RBFOX1: variants seen among roughly 807,000 people sequenced by gnomAD.
RBFOX1 encodes the protein RNA binding fox-1 homolog 1, also known as RNA binding protein fox-1 homolog 1.
RBFOX1 carries 8 observed loss-of-function variants against 57.7 expected under a neutral mutation model. That is an observed-to-expected ratio of 0.14 (90% CI 0.08 to 0.25). RBFOX1 has a LOEUF of 0.25. Among genes scored for constraint, RBFOX1 ranks in the 10% least tolerant of loss-of-function variants. The probability of loss-of-function intolerance (pLI) is 1.00; values close to 1 mark genes in which losing one functional copy is unlikely to be tolerated. For synonymous variants in RBFOX1, 326 were observed against 222.4 expected, an observed-to-expected ratio of 1.47 and a Z score of -4.15; for missense variants, 611 against 548.5, an observed-to-expected ratio of 1.11 and a Z score of -1.14.
At chr16:5,247,407 G>C (rs2062329835) in intron 1 of RBFOX1, among the ~76,000 whole-genome samples, 1 of 152,220 alleles carries the variant, frequency 6.6e-6, no homozygotes, top group Non-Finnish European at 1.5e-5. Context: ...GATGGCAAAG[G>C]ATGGTGCTGC....
At chr16:6,121,255 T>C (rs1452034425) in intron 1 of RBFOX1, among the ~76,000 whole-genome samples, 1 of 152,162 alleles carries the variant, frequency 6.6e-6, no homozygotes, top group Non-Finnish European at 1.5e-5. Context: ...CTCTAGACTC[T>C]GCTTTGAGAC....
At chr16:7,279,235 T>C (rs2141089077) in intron 4 of RBFOX1, among the ~76,000 whole-genome samples, 1 of 152,144 alleles carries the variant, frequency 6.6e-6, no homozygotes, top group East Asian at 1.9e-4. Flanking sequence ...TAGAAATAAA[T>C]GCTGCATTTT....
chr16:6,265,017 C>A (rs1387913689), intron 1 of RBFOX1, among the ~76,000 whole-genome samples: 1 of 152,148 alleles, frequency 6.6e-6, no homozygotes, highest in Non-Finnish European at 1.5e-5. Flanking sequence ...TGCCGCATCA[C>A]CCTATTTCCA....
chr16:7,234,608 G>A (rs113579424), intron 4 of RBFOX1, among the ~76,000 whole-genome samples: 12,953 of 149,426 alleles, frequency 0.087, 922 homozygotes, highest in African/African-American at 0.19. Flanking sequence ...GTGTGTGTGT[G>A]TATATATATG....
chr16:7,274,064 A>C (rs888252360), intron 4 of RBFOX1, among the ~76,000 whole-genome samples: 9 of 152,222 alleles, frequency 5.9e-5, no homozygotes, highest in African/African-American at 2.2e-4. Context: ...TACTAGAGAA[A>C]ACATAAGTGT....
chr16:7,383,789 G>A (rs541162419), intron 4 of RBFOX1, among the ~76,000 whole-genome samples: 1 of 152,204 alleles, frequency 6.6e-6, no homozygotes, highest in African/African-American at 2.4e-5. Flanking sequence ...TGGCGAGGTG[G>A]CTCAAGCCTG....
At chr16:6,101,563 T>G (rs1473101531) in intron 1 of RBFOX1, among the ~76,000 whole-genome samples, 1 of 152,148 alleles carries the variant, frequency 6.6e-6, no homozygotes, top group Non-Finnish European at 1.5e-5. Flanking sequence ...CTTGGCACAC[T>G]GCAACCTCCA....
At chr16:7,358,460 G>A (rs994449225) in intron 4 of RBFOX1, among the ~76,000 whole-genome samples, 16 of 151,470 alleles carry the variant, frequency 1.1e-4, no homozygotes, top group African/African-American at 1.9e-4. Flanking sequence ...TTGTTCTGTC[G>A]CCCAGGCTGG....
intron 1 of RBFOX1, chr16:6,092,897 TA>T (rs1164121072): frequency 6.6e-6 from 1 of 152,184 alleles, no homozygotes; most frequent in Non-Finnish European, 1.5e-5. Context: ...TATATGAATT[TA>T]AAAATAGTGT....
rs1444669559 is a variant in RBFOX1, at chr16:6,013,272, C to T, written c.351+145937C>T. On this transcript the variant is annotated intron_variant, in intron 4 of 19. Transcript: ENST00000641259. ...TAAATAGCATATAAACAAGCCTGCCCTAAATCAAAGACACAGCTTAGTTTC... is the reference window on the plus strand; with the variant it reads ...TAAATAGCATATAAACAAGCCTGCCTTAAATCAAAGACACAGCTTAGTTTC... Among the ~76,000 whole-genome samples the T allele has an allele frequency of 2.0e-5, 3 of 152,222 alleles. No individual in the cohort carries two copies. The East Asian group carries it at 5.8e-4, about 29-fold the overall frequency.
At chr16:6,394,017 C>G (rs2092715296) in intron 2 of RBFOX1, among the ~76,000 whole-genome samples, 1 of 152,142 alleles carries the variant, frequency 6.6e-6, no homozygotes, top group Admixed American at 6.5e-5. Context: ...GTTTAGAAGA[C>G]TATACTAAAT....
In RBFOX1 at chr16:7,509,248, A is replaced by G. The variant is rs193293256; in HGVS notation, c.28-8899A>G. On this transcript the variant is annotated intron_variant, in intron 4 of 15. Coordinates refer to ENST00000550418, the MANE Select transcript of RBFOX1 (RefSeq NM_018723.4). ...CCTGGAATATTGCGGTCATCTTAGT[A>G]TTTATTTTTTGTTTCTTGAAGTCTG... Among the ~76,000 whole-genome samples the G allele has an allele frequency of 5.3e-4, 80 of 152,280 alleles. 1 individual carries two copies. The highest frequency in any genetic ancestry group is 9.9e-4 in the Non-Finnish European group (67 of 68,018).
intron 4 of RBFOX1, among the ~76,000 whole-genome samples, chr16:5,870,289 A>G (rs994953102): frequency 4.0e-5 from 6 of 149,218 alleles, no homozygotes; most frequent in African/African-American, 7.4e-5. Flanking sequence ...ATCTGGATGT[A>G]TTTACGGAGG....
chr16:7,129,150 T>C (rs1225974626), intron 4 of RBFOX1, among the ~76,000 whole-genome samples: 1 of 152,156 alleles, frequency 6.6e-6, no homozygotes, highest in Non-Finnish European at 1.5e-5. Flanking sequence ...CAAAGTTAGA[T>C]TTTTAGCAGG....
At chr16:6,875,872 C>T (rs944990502) in intron 3 of RBFOX1, among the ~76,000 whole-genome samples, 1 of 152,054 alleles carries the variant, frequency 6.6e-6, no homozygotes, top group African/African-American at 2.4e-5. Flanking sequence ...GTGGTCCATG[C>T]GTGGAATCCA....
At position 5,380,831 on chromosome 16, in the gene RBFOX1, A is replaced by G. The variant is rs939795014; in HGVS notation, c.220-86385A>G. Among the ~76,000 whole-genome samples the G allele has an allele frequency of 6.6e-5, 10 of 152,224 alleles. 1 individual carries two copies. The highest frequency in any genetic ancestry group is 3.8e-4 in the East Asian group (2 of 5,198). On this transcript the variant is annotated intron_variant, in intron 1 of 2. Transcript: ENST00000585867. ...TGCTTTGTGCCCTATGCACTTATATATAACTTGAATATTTTATCCTGAGGA... is the reference window on the plus strand; with the variant it reads ...TGCTTTGTGCCCTATGCACTTATATGTAACTTGAATATTTTATCCTGAGGA...
At chr16:5,569,559 G>C (rs1247581627) in intron 2 of RBFOX1, among the ~76,000 whole-genome samples, 1 of 146,754 alleles carries the variant, frequency 6.8e-6, no homozygotes, top group Non-Finnish European at 1.5e-5. Flanking sequence ...AGATCTATGC[G>C]GTGGATACAT....
At position 6,390,343 on chromosome 16, in the gene RBFOX1, T is replaced by A. The variant is rs2092535272; in HGVS notation, c.-64+73286T>A. On this transcript the variant is annotated intron_variant, in intron 2 of 15. Coordinates refer to ENST00000550418, the MANE Select transcript of RBFOX1 (RefSeq NM_018723.4). Reference sequence around the variant, plus strand: ...CCCAAATCCTGAACTTGAGTGGAGCTGTGGTGATAATACTGAACTGAAGGG... The same window carrying A: ...CCCAAATCCTGAACTTGAGTGGAGCAGTGGTGATAATACTGAACTGAAGGG... Among the ~76,000 whole-genome samples the A allele has an allele frequency of 2.6e-5, 4 of 152,276 alleles. No homozygotes were observed. The South Asian group carries it at 6.2e-4, about 24-fold the overall frequency.
chr16:5,574,796 G>T (rs1313960959), intron 2 of RBFOX1, among the ~76,000 whole-genome samples: 2 of 152,130 alleles, frequency 1.3e-5, no homozygotes, highest in African/African-American at 2.4e-5. Flanking sequence ...GGCTTACAGT[G>T]AACTCTGGAA....
Sources: allele counts gnomAD v4.1 joint callset (sites outside exome capture counted in the v4.1 genomes callset), GRCh38; gene constraint gnomAD v4.1.1; transcripts MANE v1.5; gene names NCBI Gene and HGNC (gene_info 2026-07-23, HGNC 2026-07-21).